Variants in CACNA1S observed in about 807,000 individuals in gnomAD.
The protein encoded by CACNA1S is voltage-dependent L-type calcium channel subunit alpha-1S.
CACNA1S carries 126 observed loss-of-function variants against 207.4 expected under a neutral mutation model. The ratio of observed to expected loss-of-function variants is 0.61; its 90% CI spans 0.53 to 0.70. The LOEUF is 0.70. Ranked by LOEUF, CACNA1S falls within the 30% of genes least tolerant of loss-of-function variation. CACNA1S has a pLI of 0.00. For missense variants in CACNA1S, 2,349 were observed against 2,422.8 expected (o/e 0.97, Z 0.64); for synonymous variants, 960 against 932.7 (o/e 1.03, Z -0.53).
rs183417905 is a variant in CACNA1S, at chr1:201,103,386, G to T, written c.258+6778C>A. On this transcript the variant is annotated intron_variant, in intron 2 of 43. Coordinates refer to ENST00000362061, the MANE Select transcript of CACNA1S (RefSeq NM_000069.3). ...GACTTGAGAGGCCGTCCTTTCCTGC[G>T]ACTCCCCAGGGAGCTAGCAAAGCTT... Among the ~76,000 whole-genome samples, 60 of 152,244 alleles carry T rather than the reference G, an allele frequency of 3.9e-4. No individual in the cohort carries two copies. In the East Asian group the frequency reaches 8.9e-3, roughly 23 times the overall value.
Position 201,047,521 on chromosome 1 carries a change from C to T in CACNA1S, c.4543+4G>A, listed in dbSNP as rs776190353. 44 of 1,607,586 alleles carry T rather than the reference C, an allele frequency of 2.7e-5. No individual in the cohort carries two copies. The highest frequency in any genetic ancestry group is 3.7e-5 in the Non-Finnish European group (43 of 1,174,084). ...GGACTCTGGTCCCCCAAAGTAGCAC[C>T]TACCTCCTATTGGAGGGATGACCTG... is the stretch of plus-strand genomic sequence containing the variant. On this transcript the variant is annotated splice_donor_region_variant and intron_variant, in intron 37 of 43. Coordinates refer to ENST00000362061, the MANE Select transcript of CACNA1S (RefSeq NM_000069.3).
intron 19 of CACNA1S, among the ~76,000 whole-genome samples, chr1:201,067,739 C>T (rs1304776391): frequency 6.6e-6 from 1 of 152,182 alleles, no homozygotes; most frequent in Non-Finnish European, 1.5e-5. Flanking sequence ...GCTATCTCTA[C>T]CCAGTGAAGG....
Position 201,058,412 on chromosome 1 carries a change from A to G in CACNA1S, c.3605T>C (p.Ile1202Thr). The change falls in exon 28 of 44, where the codon ATC becomes ACC. Residue 1202 changes from isoleucine to threonine, a missense_variant. Coordinates refer to ENST00000362061, the MANE Select transcript of CACNA1S (RefSeq NM_000069.3). ...CTCTGCCTGCCTGATACTCACGTCGATCTCACTGAGGATGACATCAATGAT... is the reference window on the plus strand; with the variant it reads ...CTCTGCCTGCCTGATACTCACGTCGGTCTCACTGAGGATGACATCAATGAT... ...GSIIDVILSE[I>T]DTFLASSGGL... 1 of 1,613,910 alleles carries G rather than the reference A, an allele frequency of 6.2e-7. No homozygotes were observed. The highest frequency in any genetic ancestry group is 1.1e-5 in the South Asian group (1 of 91,076).
At chr1:201,090,324 A>T in intron 5 of CACNA1S, among the ~76,000 whole-genome samples, 1 of 152,180 alleles carries the variant, frequency 6.6e-6, no homozygotes, top group East Asian at 1.9e-4. Context: ...TGAAGGTGTG[A>T]TCAAAGGTCA....
intron 7 of CACNA1S, 135 bp from the exon 8 acceptor site, chr1:201,085,716 G>A (rs367770064): frequency 4.1e-6 from 4 of 966,898 alleles, no homozygotes; most frequent in Non-Finnish European, 6.2e-6. Context: ...TGTTGCCTGG[G>A]GTCCAGGTGC....
Position 201,089,413 on chromosome 1 carries a change from C to T in CACNA1S, c.745G>A (p.Gly249Ser), listed in dbSNP as rs1273775220. The change falls in exon 6 of 44, where the codon GGC becomes AGC. Residue 249 changes from glycine to serine, a missense_variant. Gly to Ser is a moderately conservative substitution (Grantham distance 56). Transcript: ENST00000362061. ...TTGATGGTGCACCGGCGCCCTGAGC[C>T]CGTCCTGGCGCAGGGCGATGGCTCT... ...NEEPSPCART[G>S]SGRRCTINGS... is the part of the protein sequence containing the mutation. 4 of 1,614,206 alleles carry T rather than the reference C, an allele frequency of 2.5e-6. No individual in the cohort carries two copies. Among genetic ancestry groups the T allele is most frequent in the Non-Finnish European group, 3.4e-6 (4 of 1,180,050 alleles).
rs574302692 is a variant in CACNA1S at position 201,053,971 on chromosome 1, C to T, written c.3667-384G>A. On this transcript the variant is annotated intron_variant, in intron 29 of 43. Coordinates refer to ENST00000362061, the MANE Select transcript of CACNA1S (RefSeq NM_000069.3). The surrounding 1 kb of genome is among the most constrained non-coding windows in gnomAD (Gnocchi z 5.1). ...GGACCCTGGTGGCCCTCCTAGGGCT[C>T]CTCCCCTGGCGTCCTCCCAGTGCAA... 3.3e-5 allele frequency among the ~76,000 whole-genome samples: 5 copies of T among 152,274 alleles called. No individual in the cohort carries two copies. Among genetic ancestry groups the T allele is most frequent in the Admixed American group, 2.0e-4 (3 of 15,308 alleles).
chr1:201,087,220 T>C (rs1424026290), intron 7 of CACNA1S, among the ~76,000 whole-genome samples: 1 of 152,240 alleles, frequency 6.6e-6, no homozygotes, highest in Non-Finnish European at 1.5e-5. Flanking sequence ...TTAACTTATT[T>C]AATCCTGACA....
Position 201,102,171 on chromosome 1 carries a change from G to C in CACNA1S, c.258+7993C>G, listed in dbSNP as rs144073562. ...GTGGCGTGACCTGAAGACAAGAAAG[G>C]GGGAGGAGGGGGTCCTCCTGGAGTC... On this transcript the variant is annotated intron_variant, in intron 2 of 43. Transcript: ENST00000362061. Among the ~76,000 whole-genome samples the C allele has an allele frequency of 3.9e-3, 600 of 152,316 alleles. 5 individuals carry two copies. The highest frequency in any genetic ancestry group is 0.013 in the African/African-American group (534 of 41,570).
At chr1:201,041,898 C>G (rs769344149) in intron 40 of CACNA1S, 36 of 448,802 alleles carry the variant, frequency 8.0e-5, no homozygotes, top group Non-Finnish European at 1.4e-4. Flanking sequence ...GCTTCTCCAT[C>G]TTGGCCACAC....
chr1:201,087,628 GAACCCAGGGATGAGCCGAGGGC>G (rs1270539922), intron 7 of CACNA1S, among the ~76,000 whole-genome samples, 176 bp downstream of exon 7: 1 of 152,010 alleles, frequency 6.6e-6, no homozygotes, highest in Non-Finnish European at 1.5e-5. Context: ...AGATGACAGG[GAACCCAGGGATGAGCCGAGGGC>G]CTGACTCACA....
At chr1:201,050,343 G>C (rs750725024) in intron 34 of CACNA1S, 46 bp downstream of exon 34, 6 of 1,608,652 alleles carry the variant, frequency 3.7e-6, no homozygotes, top group Middle Eastern at 1.6e-4. Context: ...CGGTAGGAAG[G>C]GTCTAGGATG....
chr1:201,099,850 G>T (rs924777494), intron 2 of CACNA1S, among the ~76,000 whole-genome samples: 1 of 152,130 alleles, frequency 6.6e-6, no homozygotes, highest in African/African-American at 2.4e-5. Context: ...TTGTGGCAGG[G>T]CCCCAGGCTT....
chr1:201,069,212 G>T lies in CACNA1S; in HGVS notation c.2491-16C>A. On this transcript the variant is annotated splice_polypyrimidine_tract_variant and intron_variant, in intron 18 of 43. Transcript: ENST00000362061. The stretch of plus-strand genomic sequence containing the variant: ...GTTTAAGGATCTGGGGACAGGGCAG[G>T]GGCGGGAGCAGCCAGTGAGAGGAGG... 6.2e-7 allele frequency: 1 copy of T among 1,613,370 alleles called. No homozygotes were observed. Among genetic ancestry groups the T allele is most frequent in the South Asian group, 1.1e-5 (1 of 91,032 alleles).
At chr1:201,044,301 C>T (rs1660396494) in intron 39 of CACNA1S, 27 bp downstream of exon 39, 1 of 1,612,158 alleles carries the variant, frequency 6.2e-7, no homozygotes. Context: ...GTCTAGACCA[C>T]TAGGGGTGCT....
At chr1:201,068,291 G>A (rs1378513192) in intron 19 of CACNA1S, among the ~76,000 whole-genome samples, 1 of 137,202 alleles carries the variant, frequency 7.3e-6, no homozygotes, top group Non-Finnish European at 1.5e-5. Flanking sequence ...CACCCAGGCT[G>A]GAGTGCAGTG....
intron 11 of CACNA1S, 112 bp from the exon 12 acceptor site, chr1:201,077,239 G>A: frequency 1.1e-6 from 1 of 907,812 alleles, no homozygotes; most frequent in Non-Finnish European, 1.8e-6. Flanking sequence ...CAGAGGGAGG[G>A]GGCTGCCTCA....
Position 201,047,220 on chromosome 1 carries a change from C to T in CACNA1S, c.4563G>A (p.Gly1521=). 1 of 1,614,184 alleles carries T rather than the reference C, an allele frequency of 6.2e-7. No homozygotes were observed. The highest frequency in any genetic ancestry group is 8.5e-7 in the Non-Finnish European group (1 of 1,180,028). ...GGATGAGGAATGTGGCGTAGAACTTCCCCACTGTCACCTCATCATCTGCAG... is the reference window on the plus strand; with the variant it reads ...GGATGAGGAATGTGGCGTAGAACTTTCCCACTGTCACCTCATCATCTGCAG... ...PPIGDDEVTV[G]KFYATFLIQE... The change falls in exon 38 of 44, where the codon GGG becomes GGA. Residue 1521 remains glycine, a synonymous_variant. Transcript: ENST00000362061.
chr1:201,077,861 G>A lies in CACNA1S; in HGVS notation c.1619+18C>T. 6.3e-7 allele frequency: 1 copy of A among 1,597,522 alleles called. No homozygotes were observed. The highest frequency in any genetic ancestry group is 8.6e-7 in the Non-Finnish European group (1 of 1,165,758). On this transcript the variant is annotated intron_variant, in intron 11 of 43. Coordinates refer to ENST00000362061, the MANE Select transcript of CACNA1S (RefSeq NM_000069.3). ...GCCTGCCGGGGACCCGGGAGTGCCA[G>A]CCGACCCCGGCACTCACTTGGTGAT...
Sources: gnomAD v4.1 joint callset for allele counts (sites outside exome capture counted in the v4.1 genomes callset) on GRCh38, gnomAD v4.1.1 for gene constraint, Gnocchi (gnomAD v3.1) non-coding constraint, MANE v1.5 for transcripts, NCBI Gene and HGNC (gene_info 2026-07-23, HGNC 2026-07-21) for gene names.